Variants in KCNQ5 observed in about 807,000 individuals in gnomAD.
KCNQ5 encodes potassium voltage-gated channel subfamily KQT member 5.
A neutral mutation model predicts 98.2 loss-of-function variants in KCNQ5; 30 were observed. That is an observed-to-expected ratio of 0.31 (90% CI 0.23 to 0.41). The LOEUF (loss-of-function observed/expected upper bound fraction) is 0.41. KCNQ5 is among the 10% of genes least tolerant of loss of function. The pLI, the probability that KCNQ5 is intolerant of heterozygous loss-of-function variation, is 1.00. For synonymous variants in KCNQ5, 458 were observed against 449.4 expected (o/e 1.02, Z -0.24); for missense variants, 835 against 1,182.5 (o/e 0.71, Z 4.31).
At chr6:72,818,858 GA>G (rs1775625087) in intron 1 of KCNQ5, among the ~76,000 whole-genome samples, 1 of 151,090 alleles carries the variant, frequency 6.6e-6, no homozygotes, top group Admixed American at 6.6e-5. Flanking sequence ...CTTTAACAAA[GA>G]ATTAGTGTTT....
chr6:72,762,683 C>T (rs1473932966), intron 1 of KCNQ5, among the ~76,000 whole-genome samples: 1 of 151,934 alleles, frequency 6.6e-6, no homozygotes, highest in Non-Finnish European at 1.5e-5. Context: ...ATAAACACAG[C>T]CTATTGTCCA....
chr6:72,664,698 A>T (rs1317664255), intron 1 of KCNQ5, among the ~76,000 whole-genome samples: 2 of 151,734 alleles, frequency 1.3e-5, no homozygotes, highest in Non-Finnish European at 2.9e-5. Flanking sequence ...CAAACAAAAA[A>T]CACAAAAGCT....
At position 72,836,434 on chromosome 6, in the gene KCNQ5, C is replaced by G. The variant is rs932932576; in HGVS notation, c.399-167474C>G. On this transcript the variant is annotated intron_variant, in intron 1 of 13. Transcript: ENST00000370398. ...AATTTACAAATTTGGTGCTCTCTCT[C>G]TGTGTGTGTATATATATATATTTGA... Among the ~76,000 whole-genome samples, 8 of 152,002 alleles carry G rather than the reference C, an allele frequency of 5.3e-5. No individual in the cohort carries two copies. In the South Asian group the frequency reaches 6.2e-4, roughly 12 times the overall value.
intron 1 of KCNQ5, among the ~76,000 whole-genome samples, chr6:72,849,375 A>G (rs1354851045): frequency 1.3e-5 from 2 of 152,158 alleles, no homozygotes; most frequent in Admixed American, 6.6e-5. Flanking sequence ...AGTGTTTTCC[A>G]TAGAGGTTGT....
chr6:73,106,143 A>G (rs960313187), intron 6 of KCNQ5, among the ~76,000 whole-genome samples: 14 of 151,888 alleles, frequency 9.2e-5, no homozygotes, highest in African/African-American at 3.4e-4. Flanking sequence ...GACACAGCTC[A>G]AGCTGTGCCA....
At chr6:72,824,288 C>T (rs2796009) in intron 1 of KCNQ5, among the ~76,000 whole-genome samples, 2 of 152,006 alleles carry the variant, frequency 1.3e-5, no homozygotes, top group South Asian at 4.1e-4. Flanking sequence ...TAAATTCCAG[C>T]GGTGGTGGGG....
intron 3 of KCNQ5, among the ~76,000 whole-genome samples, chr6:73,049,615 A>G (rs1407605021): frequency 1.3e-5 from 2 of 152,218 alleles, no homozygotes; most frequent in Non-Finnish European, 2.9e-5. Context: ...AAGGAGCAGG[A>G]AAAATGAATT....
At chr6:72,638,794 T>C (rs932452984) in intron 1 of KCNQ5, among the ~76,000 whole-genome samples, 1 of 152,202 alleles carries the variant, frequency 6.6e-6, no homozygotes, top group Admixed American at 6.5e-5. Context: ...AAGTTAGTGG[T>C]TGCTCTACAG....
At chr6:73,033,812 T>C (rs1460412241) in intron 2 of KCNQ5, among the ~76,000 whole-genome samples, 5 of 151,898 alleles carry the variant, frequency 3.3e-5, no homozygotes, top group African/African-American at 1.2e-4. Context: ...GCAATGATTC[T>C]GTAAATATCC....
At chr6:72,960,465 TG>T (rs1039698969) in intron 1 of KCNQ5, among the ~76,000 whole-genome samples, 3 of 152,298 alleles carry the variant, frequency 2.0e-5, no homozygotes, top group African/African-American at 7.2e-5. Context: ...AGTCTCACGC[TG>T]TCACCCAGGC....
intron 3 of KCNQ5, among the ~76,000 whole-genome samples, chr6:73,065,729 C>T (rs1052556627): frequency 6.6e-6 from 1 of 152,230 alleles, no homozygotes; most frequent in African/African-American, 2.4e-5. Context: ...GAACACACTT[C>T]CACCTCAAGG....
intron 3 of KCNQ5, among the ~76,000 whole-genome samples, chr6:73,063,667 T>TGATAGATAGATA (rs1554203587): frequency 0.011 from 696 of 64,328 alleles, 34 homozygotes; most frequent in East Asian, 0.081. Flanking sequence ...GATAGATAGA[T>TGATAGATAGATA]GATAGATAGA....
intron 10 of KCNQ5, among the ~76,000 whole-genome samples, chr6:73,142,418 T>C (rs1054813630): frequency 2.0e-5 from 3 of 152,096 alleles, no homozygotes; most frequent in African/African-American, 7.2e-5. Context: ...GACCTCTCCG[T>C]TACCTACCTG....
intron 2 of KCNQ5, among the ~76,000 whole-genome samples, chr6:73,039,031 G>A (rs911387849): frequency 2.0e-5 from 3 of 152,084 alleles, no homozygotes; most frequent in South Asian, 2.1e-4. Flanking sequence ...CGGTTATAGG[G>A]CTACCTAGAT....
intron 1 of KCNQ5, among the ~76,000 whole-genome samples, chr6:72,684,911 A>C (rs1373145506): frequency 6.6e-6 from 1 of 152,012 alleles, no homozygotes; most frequent in Non-Finnish European, 1.5e-5. Flanking sequence ...TGAGGCCCCT[A>C]GGCATTGCTC....
chr6:72,855,680 G>A (rs1238251802), intron 1 of KCNQ5, among the ~76,000 whole-genome samples: 1 of 152,188 alleles, frequency 6.6e-6, no homozygotes, highest in Non-Finnish European at 1.5e-5. Flanking sequence ...CACTATTATG[G>A]AAACCAAGGG....
intron 1 of KCNQ5, among the ~76,000 whole-genome samples, chr6:72,752,182 G>A (rs116139493): frequency 0.014 from 2,184 of 152,174 alleles, 45 homozygotes; most frequent in African/African-American, 0.05. Flanking sequence ...CATGAAAGAC[G>A]TTGTCCTTTT....
chr6:72,741,232 T>G lies in KCNQ5; in HGVS notation c.398+118645T>G, dbSNP rs555077103. ...ATGTTCTGAAAAGAAGCTCCATGGT[T>G]AAGGTGTCAAAGTGTCACATCAGTG... is the stretch of plus-strand genomic sequence containing the variant. On this transcript the variant is annotated intron_variant, in intron 1 of 13. Transcript: ENST00000370398. Among the ~76,000 whole-genome samples the G allele has an allele frequency of 2.0e-5, 3 of 152,322 alleles. No individual in the cohort carries two copies. In the East Asian group the frequency reaches 5.8e-4, roughly 29 times the overall value.
At chr6:72,702,764 A>C (rs931100891) in intron 1 of KCNQ5, among the ~76,000 whole-genome samples, 1 of 152,188 alleles carries the variant, frequency 6.6e-6, no homozygotes, top group Admixed American at 6.5e-5. Flanking sequence ...AAAAATGGCC[A>C]CTTTACGGTA....
Sources: gnomAD v4.1 joint callset for allele counts (sites outside exome capture counted in the v4.1 genomes callset) on GRCh38, gnomAD v4.1.1 for gene constraint, MANE v1.5 for transcripts, NCBI Gene and HGNC (gene_info 2026-07-23, HGNC 2026-07-21) for gene names.